The following PPP1R7 variants were observed in gnomAD, a reference collection of about 807,000 sequenced individuals.
PPP1R7 encodes the protein protein phosphatase 1 regulatory subunit 7, also known as protein phosphatase 1 regulatory subunit 22.
A neutral mutation model predicts 45.2 loss-of-function variants in PPP1R7; 18 were observed. The observed-to-expected ratio is 0.40, with a 90% confidence interval of 0.28 to 0.59. The LOEUF (loss-of-function observed/expected upper bound fraction) is 0.59. Ranked by LOEUF, PPP1R7 falls within the 20% of genes least tolerant of loss-of-function variation. The pLI, the probability that PPP1R7 is intolerant of heterozygous loss-of-function variation, is 0.46. For missense variants in PPP1R7, 314 were observed against 455.8 expected (o/e 0.69, Z 2.83); for synonymous variants, 181 against 183.4 (o/e 0.99, Z 0.11).
intron 2 of PPP1R7, among the ~76,000 whole-genome samples, 175 bp downstream of exon 2, chr2:241,153,779 C>T (rs1218229371): frequency 1.3e-5 from 2 of 152,188 alleles, no homozygotes; most frequent in Non-Finnish European, 2.9e-5. Context: ...GCTCCTTCAG[C>T]AGGCTGACTC....
intron 1 of PPP1R7, among the ~76,000 whole-genome samples, chr2:241,151,148 A>C (rs931098602): frequency 6.6e-6 from 1 of 152,230 alleles, no homozygotes; most frequent in African/African-American, 2.4e-5. Flanking sequence ...TATATGTTAT[A>C]CGTACACATG....
At chr2:241,150,614 C>T in intron 1 of PPP1R7, 67 bp downstream of exon 1, 1 of 1,483,362 alleles carries the variant, frequency 6.7e-7, no homozygotes, top group Non-Finnish European at 9.0e-7. Flanking sequence ...GCTGGAACTG[C>T]TCCGTGCCTG....
chr2:241,182,521 C>A, intron 9 of PPP1R7, 126 bp from the exon 10 acceptor site: 3 of 1,175,890 alleles, frequency 2.6e-6, no homozygotes, highest in Non-Finnish European at 3.6e-6. Context: ...CCATGAGGTG[C>A]CAGGGAAGAC....
At chr2:241,172,387 G>A (rs1359343392) in intron 9 of PPP1R7, among the ~76,000 whole-genome samples, 1 of 152,126 alleles carries the variant, frequency 6.6e-6, no homozygotes, top group Non-Finnish European at 1.5e-5. Context: ...GCTCATGCCT[G>A]TAATCCTAGC....
At chr2:241,151,373 G>A in intron 1 of PPP1R7, 2 of 460,926 alleles carry the variant, frequency 4.3e-6, no homozygotes, top group Non-Finnish European at 4.5e-6. Context: ...GGAATGTGGA[G>A]CTGGGGAAGG....
In PPP1R7 at chr2:241,159,314, T is replaced by C. The variant is rs1438390502; in HGVS notation, c.405T>C (p.Ile135=). ...LDLYDNQIKK[I]ENLEALTELE... ...TTTACGACAACCAGATCAAGAAGAT[T>C]GAGAATCTGGAGGCGCTAACAGAGC... is the stretch of plus-strand genomic sequence containing the variant. The change falls in exon 5 of 10, where the codon ATT becomes ATC. Residue 135 remains isoleucine, a synonymous_variant. Coordinates refer to ENST00000234038, the MANE Select transcript of PPP1R7 (RefSeq NM_002712.3). The C allele has an allele frequency of 6.2e-7, 1 of 1,613,370 alleles. No homozygotes were observed. Among genetic ancestry groups the C allele is most frequent in the Non-Finnish European group, 8.5e-7 (1 of 1,179,564 alleles).
intron 9 of PPP1R7, among the ~76,000 whole-genome samples, chr2:241,174,758 T>C (rs990267911): frequency 2.6e-5 from 4 of 151,542 alleles, no homozygotes; most frequent in Non-Finnish European, 4.4e-5. Context: ...CACTGCAAGC[T>C]CCGCCTCCTG....
In PPP1R7 at chr2:241,154,213, A is replaced by G. The variant is rs556007139; in HGVS notation, c.181+609A>G. Among the ~76,000 whole-genome samples, 36 of 151,754 alleles carry G rather than the reference A, an allele frequency of 2.4e-4. No homozygotes were observed. In the South Asian group the frequency reaches 7.5e-3, roughly 32 times the overall value. On this transcript the variant is annotated intron_variant, in intron 2 of 9. Coordinates refer to ENST00000234038, the MANE Select transcript of PPP1R7 (RefSeq NM_002712.3). ...AAAAAAAAAAAAAAAAAGGAAAAAG[A>G]AAAGAACCGCAATATTGTTATATTA...
chr2:241,177,185 C>T lies in PPP1R7; in HGVS notation c.907-5462C>T, dbSNP rs191738855. On this transcript the variant is annotated intron_variant, in intron 9 of 9. Coordinates refer to ENST00000234038, the MANE Select transcript of PPP1R7 (RefSeq NM_002712.3). ...GGCGGAGGTTGCAGTGAGCCAAGATCGTGCCACTGCACGATCAGGTCAGGA... is the reference window on the plus strand; with the variant it reads ...GGCGGAGGTTGCAGTGAGCCAAGATTGTGCCACTGCACGATCAGGTCAGGA... 2.6e-3 allele frequency among the ~76,000 whole-genome samples: 388 copies of T among 151,838 alleles called. 1 individual carries two copies. The highest frequency in any genetic ancestry group is 4.7e-3 in the Non-Finnish European group (321 of 67,904).
In PPP1R7 at chr2:241,169,795, G is replaced by A. The variant is rs1472078278; in HGVS notation, c.834G>A (p.Met278Ile). 1 of 1,610,238 alleles carries A rather than the reference G, an allele frequency of 6.2e-7. No individual in the cohort carries two copies. The highest frequency in any genetic ancestry group is 8.5e-7 in the Non-Finnish European group (1 of 1,176,488). The change falls in exon 9 of 10, where the codon ATG becomes ATA. Residue 278 changes from methionine to isoleucine, a missense_variant. Met to Ile is a conservative substitution (Grantham distance 10). Coordinates refer to ENST00000234038, the MANE Select transcript of PPP1R7 (RefSeq NM_002712.3). The part of the protein sequence containing the change: ...EGLENNNKLT[M>I]LDIASNRIKK... ...CCTTCTTTTAGAACAAACTCACGAT[G>A]TTGGACATTGCATCAAATAGAATCA...
At chr2:241,158,667 G>T in intron 4 of PPP1R7, 118 bp downstream of exon 4, 1 of 970,328 alleles carries the variant, frequency 1.0e-6, no homozygotes, top group Non-Finnish European at 1.6e-6. Context: ...CGGCGTGGCT[G>T]CCTCCACCTT....
intron 7 of PPP1R7, among the ~76,000 whole-genome samples, chr2:241,165,509 A>G (rs1156695411): frequency 1.3e-5 from 2 of 152,220 alleles, no homozygotes; most frequent in Admixed American, 6.5e-5. Flanking sequence ...ATTCCCATGC[A>G]TGAATTTTAG....
chr2:241,171,919 G>T (rs2067823522), intron 9 of PPP1R7, among the ~76,000 whole-genome samples: 1 of 152,112 alleles, frequency 6.6e-6, no homozygotes, highest in Admixed American at 6.5e-5. Context: ...CTTAACCCAT[G>T]CCTTTATAAT....
intron 7 of PPP1R7, among the ~76,000 whole-genome samples, chr2:241,163,742 T>C (rs115181748): frequency 0.019 from 2,890 of 152,188 alleles, 100 homozygotes; most frequent in African/African-American, 0.065. Flanking sequence ...TCGGTAGGAC[T>C]ACAGGCATGC....
At chr2:241,149,773 G>C, upstream of PPP1R7, 2 of 1,537,092 alleles carry the variant, frequency 1.3e-6, no homozygotes, top group East Asian at 2.4e-5. Context: ...GGGGCGGCTC[G>C]TTCATGGGCC....
intron 1 of PPP1R7, 117 bp downstream of exon 1, chr2:241,150,664 G>GC: frequency 7.6e-7 from 1 of 1,319,476 alleles, no homozygotes; most frequent in Non-Finnish European, 9.7e-7. Context: ...CCGCCGCGCG[G>GC]CCCCCTGACA....
intron 9 of PPP1R7, among the ~76,000 whole-genome samples, chr2:241,177,430 C>A (rs1165370814): frequency 6.7e-6 from 1 of 149,862 alleles, no homozygotes; most frequent in African/African-American, 2.4e-5. Context: ...AAAAAAAAAT[C>A]ATAGAGAGCT....
At position 241,158,511 on chromosome 2, in the gene PPP1R7, G is replaced by A. The variant is rs765107049; in HGVS notation, c.265G>A (p.Gly89Arg). 5 of 1,614,140 alleles carry A rather than the reference G, an allele frequency of 3.1e-6. No homozygotes were observed. Among genetic ancestry groups the A allele is most frequent in the Non-Finnish European group, 4.2e-6 (5 of 1,179,970 alleles). ...EDVDLNHYRI[G>R]KIEGFEVLKK... ...TGTTGATTTGAATCACTATCGCATA[G>A]GGAAGATTGAAGGATTTGAGGTACT... The change falls in exon 4 of 10, where the codon GGG (glycine) becomes AGG (arginine). Residue 89 changes from glycine (G) to arginine (R), a missense_variant. Gly to Arg is a moderately radical substitution (Grantham distance 125). Around this residue, in one of 3 missense-constraint regions of PPP1R7, gnomAD observed 112 missense variants for 144.5 expected, o/e 0.78. Coordinates refer to ENST00000234038, the MANE Select transcript of PPP1R7 (RefSeq NM_002712.3).
chr2:241,163,427 C>G (rs772292569), intron 7 of PPP1R7, 26 bp downstream of exon 7: 3 of 1,510,114 alleles, frequency 2.0e-6, no homozygotes, highest in South Asian at 2.3e-5. Context: ...AGCCGCCCTT[C>G]CCTGCGAGCC....
Sources: allele counts gnomAD v4.1 joint callset (sites outside exome capture counted in the v4.1 genomes callset), GRCh38; gene constraint gnomAD v4.1.1; regional missense constraint gnomAD v4.1.1; transcripts MANE v1.5; gene names NCBI Gene and HGNC (gene_info 2026-07-23, HGNC 2026-07-21).